The following EPHB2 variants were observed in gnomAD, a reference collection of about 807,000 sequenced individuals.
EPHB2 encodes EPH receptor B2.
Under a neutral mutation model 96.4 loss-of-function variants are expected in EPHB2, and 18 were observed. That is an observed-to-expected ratio of 0.19 (90% CI 0.13 to 0.28). EPHB2 has a LOEUF of 0.28. Ranked by LOEUF, EPHB2 falls within the 10% of genes least tolerant of loss-of-function variation. EPHB2 has a pLI of 1.00. For synonymous variants in EPHB2, 506 were observed against 534.1 expected (o/e 0.95, Z 0.72); for missense variants, 989 against 1,355.4 (o/e 0.73, Z 4.25).
intron 3 of EPHB2, among the ~76,000 whole-genome samples, chr1:22,804,359 C>T (rs1644893816): frequency 6.6e-6 from 1 of 152,134 alleles, no homozygotes; most frequent in Non-Finnish European, 1.5e-5. Context: ...AAAAAATCTG[C>T]ACCACCCCCC....
intron 1 of EPHB2, among the ~76,000 whole-genome samples, chr1:22,738,410 A>T (rs868231667): frequency 6.0e-4 from 92 of 152,326 alleles, no homozygotes; most frequent in African/African-American, 2.1e-3. Flanking sequence ...GTCAGGTCCT[A>T]TGCCAAGCTC....
At chr1:22,857,700 C>T (rs1645721805) in intron 3 of EPHB2, among the ~76,000 whole-genome samples, 1 of 152,102 alleles carries the variant, frequency 6.6e-6, no homozygotes, top group Non-Finnish European at 1.5e-5. Context: ...GATGGGCTGG[C>T]AAGATCGGGA....
intron 5 of EPHB2, among the ~76,000 whole-genome samples, chr1:22,871,032 C>T (rs2138542): frequency 0.87 from 132,375 of 152,228 alleles, 60,351 homozygotes; most frequent in East Asian, 1. Context: ...CAAAACGGCT[C>T]ACATTTGTCA....
chr1:22,895,594 C>G lies in EPHB2; in HGVS notation c.1700+14C>G, dbSNP rs761463645. 9.9e-6 allele frequency: 16 copies of G among 1,610,876 alleles called. No homozygotes were observed. In the East Asian group the frequency reaches 3.3e-4, roughly 34 times the overall value. ...CGTGTGTAACAGGTGGGTGGGGTCT[C>G]CAGGCTTGGCCAGGCCTGGCTGTCC... is the stretch of plus-strand genomic sequence containing the variant. On this transcript the variant is annotated intron_variant, in intron 8 of 15. Coordinates refer to ENST00000374630, the MANE Select transcript of EPHB2 (RefSeq NM_017449.5).
chr1:22,836,053 T>G (rs976235240), intron 3 of EPHB2: 3 of 152,152 alleles, frequency 2.0e-5, no homozygotes, highest in African/African-American at 7.2e-5. Flanking sequence ...ATTCAGCTCG[T>G]ACTCGGCCTG....
chr1:22,863,333 AAG>A, intron 4 of EPHB2, 141 bp downstream of exon 4: 17 of 1,409,600 alleles, frequency 1.2e-5, no homozygotes, highest in Non-Finnish European at 1.6e-5. Flanking sequence ...GTGCTCAAGA[AAG>A]GGGCATCCTG....
intron 3 of EPHB2, among the ~76,000 whole-genome samples, chr1:22,848,512 CA>C (rs1478085389): frequency 6.6e-6 from 1 of 152,230 alleles, no homozygotes; most frequent in Non-Finnish European, 1.5e-5. Flanking sequence ...TTGGCTTTTT[CA>C]GCAGCTTTTG....
At chr1:22,910,297 T>A in intron 13 of EPHB2, 85 bp from the exon 14 acceptor site, 1 of 1,554,188 alleles carries the variant, frequency 6.4e-7, no homozygotes. Context: ...AGACGTGCAA[T>A]GTACTGGGGG....
intron 3 of EPHB2, among the ~76,000 whole-genome samples, chr1:22,840,741 A>C (rs1416974558): frequency 6.6e-6 from 1 of 152,188 alleles, no homozygotes; most frequent in Non-Finnish European, 1.5e-5. Context: ...GATTACACAC[A>C]TAAGCCACCA....
At chr1:22,852,249 A>G (rs1240696694) in intron 3 of EPHB2, among the ~76,000 whole-genome samples, 1 of 152,202 alleles carries the variant, frequency 6.6e-6, no homozygotes, top group Non-Finnish European at 1.5e-5. Context: ...GTGTGGCCCC[A>G]GATTCCCAGA....
chr1:22,902,037 G>T (rs1228060270), intron 9 of EPHB2, among the ~76,000 whole-genome samples: 2 of 151,838 alleles, frequency 1.3e-5, no homozygotes, highest in African/African-American at 2.4e-5. Context: ...TGTTACCCAG[G>T]CTGGTCTTGA....
At chr1:22,780,357 C>T (rs1192672476) in intron 1 of EPHB2, among the ~76,000 whole-genome samples, 1 of 152,180 alleles carries the variant, frequency 6.6e-6, no homozygotes. Context: ...TGACATGTCT[C>T]CTGAACCCCC....
chr1:22,894,511 C>T (rs905512484), intron 7 of EPHB2, among the ~76,000 whole-genome samples: 9 of 151,300 alleles, frequency 5.9e-5, no homozygotes, highest in African/African-American at 1.7e-4. Flanking sequence ...ACAGGAGAAT[C>T]GCTTGAACCC....
chr1:22,901,202 A>G (rs1639737150), intron 9 of EPHB2, among the ~76,000 whole-genome samples: 1 of 152,240 alleles, frequency 6.6e-6, no homozygotes, highest in African/African-American at 2.4e-5. Context: ...ACAATTATTC[A>G]GCACTTTCCT....
At position 22,913,621 on chromosome 1, in the gene EPHB2, C is replaced by A; in HGVS notation, c.*51C>A. On this transcript the variant is annotated 3_prime_UTR_variant, in exon 16 of 16. Transcript: ENST00000374630. This position sits in a 1 kb window ranked among gnomAD's most constrained non-coding sequence, Gnocchi z 4.1. ...TCCTCCAAGCCCCGCCCCCTCTGCCCCACGTGCCGGCCCTCCTGGTGCTCT... is the reference window on the plus strand; with the variant it reads ...TCCTCCAAGCCCCGCCCCCTCTGCCACACGTGCCGGCCCTCCTGGTGCTCT... 1 of 1,610,130 alleles carries A rather than the reference C, an allele frequency of 6.2e-7. No homozygotes were observed. Among genetic ancestry groups the A allele is most frequent in the East Asian group, 2.2e-5 (1 of 44,790 alleles).
In EPHB2 at chr1:22,917,445, A is replaced by C. The variant is rs1022259684; in HGVS notation, c.*3875A>C. On this transcript the variant is annotated 3_prime_UTR_variant, in exon 16 of 16. Coordinates refer to ENST00000374630, the MANE Select transcript of EPHB2 (RefSeq NM_017449.5). ...TTGCTAGGGAAGATAACGTAAATGC[A>C]TTCAAAAGACAGGGTACCACATGAT... is the stretch of plus-strand genomic sequence containing the variant. The C allele has an allele frequency of 2.6e-5, 4 of 152,278 alleles. No homozygotes were observed. The highest frequency in any genetic ancestry group is 5.9e-5 in the Non-Finnish European group (4 of 68,076). 9.4% of individuals were successfully genotyped at this position (152,278 alleles called of 1,614,324 possible). A position where few individuals can be genotyped will look rare whatever the true frequency, so the allele number is the denominator to read the frequency against.
At chr1:22,789,221 C>T (rs920558567) in intron 3 of EPHB2, among the ~76,000 whole-genome samples, 1 of 152,240 alleles carries the variant, frequency 6.6e-6, no homozygotes, top group South Asian at 2.1e-4. Flanking sequence ...CTCCCTGGGG[C>T]AGTGGAACAT....
intron 3 of EPHB2, among the ~76,000 whole-genome samples, chr1:22,799,860 G>T (rs1198811650): frequency 6.6e-6 from 1 of 152,346 alleles, no homozygotes; most frequent in African/African-American, 2.4e-5. Context: ...TGGGGTCTTT[G>T]CAGGCCTGAC....
intron 1 of EPHB2, among the ~76,000 whole-genome samples, chr1:22,736,891 G>A (rs140857431): frequency 6.6e-6 from 1 of 152,168 alleles, no homozygotes; most frequent in Non-Finnish European, 1.5e-5. Flanking sequence ...GAGGAGGGGA[G>A]ACTGGGGGAG....
Sources: gnomAD v4.1 joint callset for allele counts (sites outside exome capture counted in the v4.1 genomes callset) on GRCh38, gnomAD v4.1.1 for gene constraint, Gnocchi (gnomAD v3.1) non-coding constraint, MANE v1.5 for transcripts, NCBI Gene and HGNC (gene_info 2026-07-23, HGNC 2026-07-21) for gene names.